The following PPP2R2C variants were observed in gnomAD, a reference collection of about 807,000 sequenced individuals.
The protein encoded by PPP2R2C is protein phosphatase 2, regulatory subunit B, gamma.
PPP2R2C carries 10 observed loss-of-function variants against 45.3 expected under a neutral mutation model. The ratio of observed to expected loss-of-function variants is 0.22; its 90% CI spans 0.14 to 0.37. The LOEUF (loss-of-function observed/expected upper bound fraction) is 0.37, where lower values mean the gene tolerates loss of function less well. PPP2R2C is among the 10% of genes least tolerant of loss of function. PPP2R2C has a pLI of 1.00. For synonymous variants in PPP2R2C, 257 were observed against 245.4 expected (o/e 1.05, Z -0.44); for missense variants, 308 against 619.7 (o/e 0.50, Z 5.34).
intron 5 of PPP2R2C, among the ~76,000 whole-genome samples, chr4:6,359,345 T>G: frequency 6.6e-6 from 1 of 152,170 alleles, no homozygotes; most frequent in South Asian, 2.1e-4. Flanking sequence ...GGACCTGTCA[T>G]GGAGTGGGGG....
chr4:6,398,489 G>A (rs544511379), intron 1 of PPP2R2C, among the ~76,000 whole-genome samples: 1 of 152,274 alleles, frequency 6.6e-6, no homozygotes, highest in South Asian at 2.1e-4. Context: ...TGGTCAGGAA[G>A]CACATGGCAA....
intron 1 of PPP2R2C, among the ~76,000 whole-genome samples, chr4:6,391,756 C>T (rs1019026127): frequency 6.6e-6 from 1 of 152,156 alleles, no homozygotes; most frequent in African/African-American, 2.4e-5. Context: ...CAGGGGAAGC[C>T]CTGGGTGGGG....
chr4:6,405,578 T>C (rs1310038857), intron 1 of PPP2R2C, among the ~76,000 whole-genome samples: 1 of 152,134 alleles, frequency 6.6e-6, no homozygotes, highest in East Asian at 1.9e-4. Context: ...CATTACTCTT[T>C]ATGGCTTCCT....
chr4:6,436,788 G>C (rs185527632), intron 1 of PPP2R2C, among the ~76,000 whole-genome samples: 1 of 152,310 alleles, frequency 6.6e-6, no homozygotes, highest in East Asian at 1.9e-4. Flanking sequence ...TAAACACATA[G>C]GTGTGACTGC....
rs1313574200 is a variant in PPP2R2C, at chr4:6,336,598, A to G, written c.791-2867T>C. Among the ~76,000 whole-genome samples, 14 of 17,436 alleles carry G rather than the reference A, an allele frequency of 8.0e-4. 2 individuals carry two copies. Among genetic ancestry groups the G allele is most frequent in the African/African-American group, 4.4e-3 (13 of 2,936 alleles). 11.4% of individuals were successfully genotyped at this position (17,436 alleles called of 152,430 possible). A position where few individuals can be genotyped will look rare whatever the true frequency, so the allele number is the denominator to read the frequency against. On this transcript the variant is annotated intron_variant, in intron 6 of 8. Coordinates refer to ENST00000382599, the MANE Select transcript of PPP2R2C (RefSeq NM_020416.4). The stretch of plus-strand genomic sequence containing the variant: ...CAAAGATGCTGTACAGAGTGAGCCC[A>G]GTGCACGATGAGTGCTGCAGCCCTA...
At chr4:6,337,212 T>C (rs1225820201) in intron 6 of PPP2R2C, among the ~76,000 whole-genome samples, 2 of 142,002 alleles carry the variant, frequency 1.4e-5, no homozygotes, top group Admixed American at 7.4e-5. Context: ...AGTTCCCTTT[T>C]CTCTCTGATG....
At position 6,421,706 on chromosome 4, in the gene PPP2R2C, C is replaced by T. The variant is rs969188336; in HGVS notation, c.71-40612G>A. On this transcript the variant is annotated intron_variant, in intron 1 of 8. Coordinates refer to ENST00000382599, the MANE Select transcript of PPP2R2C (RefSeq NM_020416.4). ...GCATAGGACGGCCGAGGGGGAGCCA[C>T]CTGCACTGGCACTCGGAGGCCCAGC... Among the ~76,000 whole-genome samples, 59 of 99,146 alleles carry T rather than the reference C, an allele frequency of 6.0e-4. 2 individuals carry two copies. In the Admixed American group the frequency reaches 6.9e-3, roughly 12 times the overall value. 65.0% of individuals were successfully genotyped at this position (99,146 alleles called of 152,430 possible).
At chr4:6,371,006 G>A (rs995163483) in intron 5 of PPP2R2C, among the ~76,000 whole-genome samples, 8 of 152,202 alleles carry the variant, frequency 5.3e-5, no homozygotes, top group African/African-American at 1.9e-4. Context: ...ACAAGAGAAG[G>A]GAGAGAGATG....
intron 1 of PPP2R2C, among the ~76,000 whole-genome samples, chr4:6,464,306 T>A (rs535199325): frequency 3.3e-5 from 5 of 152,342 alleles, no homozygotes; most frequent in Middle Eastern, 3.4e-3. Flanking sequence ...AATGGTGAGA[T>A]GCCTGTCTTT....
chr4:6,404,283 G>A (rs778162626), intron 1 of PPP2R2C, among the ~76,000 whole-genome samples: 17 of 152,164 alleles, frequency 1.1e-4, no homozygotes, highest in Non-Finnish European at 2.4e-4. Flanking sequence ...TCCCTGAAGT[G>A]CAAGGTCCTT....
chr4:6,416,403 T>C (rs960332604), intron 1 of PPP2R2C, among the ~76,000 whole-genome samples: 3 of 152,158 alleles, frequency 2.0e-5, no homozygotes, highest in African/African-American at 7.2e-5. Context: ...CCCGTGAAAA[T>C]ACTCAGAGGC....
chr4:6,359,639 G>T (rs200293516), intron 5 of PPP2R2C, among the ~76,000 whole-genome samples: 1 of 121,662 alleles, frequency 8.2e-6, no homozygotes, highest in Non-Finnish European at 1.8e-5. Flanking sequence ...AAAAAAAAAA[G>T]AAACTCCTTC....
exon 2 of PPP2R2C, chr4:6,535,330 G>A (rs1362358952): frequency 3.3e-6 from 5 of 1,535,222 alleles, no homozygotes; most frequent in African/African-American, 2.7e-5. Context: ...CCTGAGAGAG[G>A]TGACTAACAC....
chr4:6,430,894 C>A (rs1407793016), intron 1 of PPP2R2C, among the ~76,000 whole-genome samples: 1 of 152,002 alleles, frequency 6.6e-6, no homozygotes, highest in Non-Finnish European at 1.5e-5. Context: ...CACTGCACTC[C>A]AGCCTGGGCG....
intron 1 of PPP2R2C, among the ~76,000 whole-genome samples, chr4:6,454,963 G>T (rs149819888): frequency 1.2e-3 from 189 of 152,256 alleles, no homozygotes; most frequent in Middle Eastern, 3.4e-3. Flanking sequence ...AGAGATAGGT[G>T]GTGCACCACA....
rs1714909774 is a variant in PPP2R2C, at chr4:6,372,417, A to C, written c.625+106T>G. 3 of 1,252,292 alleles carry C rather than the reference A, an allele frequency of 2.4e-6. No individual in the cohort carries two copies. The South Asian group carries it at 4.1e-5, about 17-fold the overall frequency. 77.6% of individuals were successfully genotyped at this position (1,252,292 alleles called of 1,614,324 possible). On this transcript the variant is annotated intron_variant, in intron 5 of 8. Transcript: ENST00000382599. ...GGTGCCTCACTGAAGAAGTTAAACA[A>C]TGCAGCCATCCCCAAACCAGCTGTC...
chr4:6,550,747 T>C (rs994224597), intron 1 of PPP2R2C, among the ~76,000 whole-genome samples: 1 of 152,192 alleles, frequency 6.6e-6, no homozygotes, highest in Non-Finnish European at 1.5e-5. Flanking sequence ...CTGAGCTCAA[T>C]GGATACTTCT....
intron 1 of PPP2R2C, among the ~76,000 whole-genome samples, chr4:6,423,360 C>T (rs1269850435): frequency 1.1e-4 from 16 of 152,306 alleles, no homozygotes; most frequent in Admixed American, 3.9e-4. Context: ...CACACCACCA[C>T]GCCCAGCTAA....
intron 1 of PPP2R2C, among the ~76,000 whole-genome samples, chr4:6,417,220 G>A (rs1718650873): frequency 6.6e-6 from 1 of 152,360 alleles, no homozygotes; most frequent in East Asian, 1.9e-4. Context: ...ACGAGGAGGA[G>A]GGAGTAAGAG....
Sources: gnomAD v4.1 joint callset for allele counts (sites outside exome capture counted in the v4.1 genomes callset) on GRCh38, gnomAD v4.1.1 for gene constraint, MANE v1.5 for transcripts, NCBI Gene and HGNC (gene_info 2026-07-23, HGNC 2026-07-21) for gene names.